Variants in INO80E observed in about 807,000 individuals in gnomAD.
INO80E encodes the protein coiled-coil domain containing 95.
Under a neutral mutation model 27.3 loss-of-function variants are expected in INO80E, and 20 were observed. The observed-to-expected ratio is 0.73, with a 90% confidence interval of 0.51 to 1.06. The LOEUF is 1.06. Ranked by LOEUF, INO80E falls within the 50% of genes least tolerant of loss-of-function variation. The pLI, the probability that INO80E is intolerant of heterozygous loss-of-function variation, is 0.00. For missense variants in INO80E, 357 were observed against 322.8 expected (o/e 1.11, Z -0.81); for synonymous variants, 167 against 145.9 (o/e 1.14, Z -1.04).
chr16:30,000,295 A>G (rs1352497557), intron 3 of INO80E, among the ~76,000 whole-genome samples: 5 of 152,156 alleles, frequency 3.3e-5, no homozygotes, highest in Non-Finnish European at 5.9e-5. Context: ...TCCCTGGGAC[A>G]GCTCGAGTGT....
In INO80E at chr16:30,005,360, C is replaced by T; in HGVS notation, c.653C>T (p.Pro218Leu). ...MPPPTILSTV[P>L]RQMFSDAGSG... ...CCCCCCACGATCCTGAGCACGGTCC[C>T]TCGGCAGATGTTCAGCGATGCAGGT... Residue 218 changes from proline (P) to leucine (L), a missense_variant, in exon 7 of 7, where the codon CCT becomes CTT. Transcript: ENST00000563197. 1 of 1,354,436 alleles carries T rather than the reference C, an allele frequency of 7.4e-7. No individual in the cohort carries two copies. 83.9% of individuals were successfully genotyped at this position (1,354,436 alleles called of 1,614,324 possible). A position where few individuals can be genotyped will look rare whatever the true frequency, so the allele number is the denominator to read the frequency against.
chr16:29,996,308 G>C lies in INO80E; in HGVS notation c.-3G>C. The C allele has an allele frequency of 6.3e-7, 1 of 1,592,150 alleles. No individual in the cohort carries two copies. On this transcript the variant is annotated 5_prime_UTR_variant, in exon 1 of 7. Coordinates refer to ENST00000563197, the MANE Select transcript of INO80E (RefSeq NM_173618.3). Reference sequence around the variant, plus strand: ...GACTCTGGGCGCCACTCCCGGGCCGGTCATGAACGGGCCGGCGGACGGCGA... The same window carrying C: ...GACTCTGGGCGCCACTCCCGGGCCGCTCATGAACGGGCCGGCGGACGGCGA...
At position 30,005,577 on chromosome 16, in the gene INO80E, G is replaced by A. The variant is rs962640287; in HGVS notation, c.*135G>A. ...CCGGCCACTGACACAACCAGAAAAG[G>A]CGTAAACATGCACGGGTGTCCCCCA... On this transcript the variant is annotated 3_prime_UTR_variant, in exon 7 of 7. Coordinates refer to ENST00000563197, the MANE Select transcript of INO80E (RefSeq NM_173618.3). 23 of 855,310 alleles carry A rather than the reference G, an allele frequency of 2.7e-5. 1 individual carries two copies. The South Asian group carries it at 3.4e-4, about 13-fold the overall frequency. 53.0% of individuals were successfully genotyped at this position (855,310 alleles called of 1,614,324 possible). A position where few individuals can be genotyped will look rare whatever the true frequency, so the allele number is the denominator to read the frequency against.
At position 29,996,352 on chromosome 16, in the gene INO80E, A is replaced by AG. The variant is rs34220380; in HGVS notation, c.42_43insG (p.Tyr15ValfsTer51). On this transcript the variant is annotated frameshift_variant, in exon 1 of 7. Coordinates refer to ENST00000563197, the MANE Select transcript of INO80E (RefSeq NM_173618.3). LOFTEE classifies it high-confidence loss of function. Reference sequence around the variant, plus strand: ...ACGGCGAAGTGGACTACAAAAAAAAATACCGGAATCTGAAGCGGAAGCTCA... The same window carrying AG: ...ACGGCGAAGTGGACTACAAAAAAAAAGTACCGGAATCTGAAGCGGAAGCTCA... The AG allele has an allele frequency of 1.2e-6, 2 of 1,600,672 alleles. No individual in the cohort carries two copies. Among genetic ancestry groups the AG allele is most frequent in the Non-Finnish European group, 1.7e-6 (2 of 1,173,654 alleles).
At chr16:29,996,650 G>A in intron 2 of INO80E, 33 bp downstream of exon 2, 1 of 1,581,660 alleles carries the variant, frequency 6.3e-7, no homozygotes, top group Non-Finnish European at 8.6e-7. Flanking sequence ...AGGGCGATGT[G>A]CTTCCTAGGA....
chr16:30,005,040 T>C (rs996583865), intron 6 of INO80E, among the ~76,000 whole-genome samples, 181 bp from the exon 7 acceptor site: 2 of 152,024 alleles, frequency 1.3e-5, no homozygotes, highest in African/African-American at 4.8e-5. Context: ...CCCCAGGCAC[T>C]TGCTGGTTTG....
chr16:29,998,470 CTATAT>C (rs1193503668), intron 3 of INO80E, among the ~76,000 whole-genome samples: 1 of 152,160 alleles, frequency 6.6e-6, no homozygotes, highest in African/African-American at 2.4e-5. Context: ...CTGCAGTTAA[CTATAT>C]TTTACATCAT....
intron 3 of INO80E, among the ~76,000 whole-genome samples, chr16:29,997,118 C>G (rs528460714): frequency 1.3e-5 from 2 of 152,154 alleles, no homozygotes; most frequent in Non-Finnish European, 2.9e-5. Flanking sequence ...AATTTATATT[C>G]TAGTTGGGAA....
chr16:30,000,689 A>G, intron 3 of INO80E, 69 bp from the exon 4 acceptor site: 8 of 1,289,220 alleles, frequency 6.2e-6, no homozygotes, highest in Non-Finnish European at 9.0e-6. Context: ...TGTAGTGTAG[A>G]GGAGGTTATA....
At chr16:30,005,055 T>G (rs955133361) in intron 6 of INO80E, among the ~76,000 whole-genome samples, 166 bp from the exon 7 acceptor site, 1 of 152,020 alleles carries the variant, frequency 6.6e-6, no homozygotes, top group Non-Finnish European at 1.5e-5. Flanking sequence ...GGTTTGAGGC[T>G]CTCGAGGGGC....
Position 29,996,619 on chromosome 16 carries a change from T to A in INO80E, c.152+2T>A. 2 of 1,580,704 alleles carry A rather than the reference T, an allele frequency of 1.3e-6. No homozygotes were observed. Reference sequence around the variant, plus strand: ...ACTGAAGGTGTCCCGGGACAAGAGGTGAGGCACGTTGCAGGGGCGGAGGGC... The same window carrying A: ...ACTGAAGGTGTCCCGGGACAAGAGGAGAGGCACGTTGCAGGGGCGGAGGGC... On this transcript the variant is annotated splice_donor_variant, in intron 2 of 6. Transcript: ENST00000563197. LOFTEE classifies it high-confidence loss of function.
In INO80E at chr16:30,001,409, C is replaced by T. The variant is rs772470686; in HGVS notation, c.397-5C>T. 21 of 1,585,610 alleles carry T rather than the reference C, an allele frequency of 1.3e-5. No homozygotes were observed. Among genetic ancestry groups the T allele is most frequent in the African/African-American group, 2.7e-5 (2 of 74,424 alleles). ...TCCCATCTCCATCCCCGCTCCCGCCCGCAGCTGGCCTCCTCCCGCTACCCC... is the reference window on the plus strand; with the variant it reads ...TCCCATCTCCATCCCCGCTCCCGCCTGCAGCTGGCCTCCTCCCGCTACCCC... On this transcript the variant is annotated splice_region_variant and splice_polypyrimidine_tract_variant and intron_variant, in intron 5 of 6. Transcript: ENST00000563197.
At chr16:29,998,623 T>C (rs1298485156) in intron 3 of INO80E, among the ~76,000 whole-genome samples, 1 of 152,208 alleles carries the variant, frequency 6.6e-6, no homozygotes, top group Non-Finnish European at 1.5e-5. Flanking sequence ...TAAATTGATT[T>C]CATGACCCAC....
chr16:30,000,645 G>A lies in INO80E; in HGVS notation c.206-113G>A, dbSNP rs567995295. 2.6e-5 allele frequency: 21 copies of A among 810,824 alleles called. No individual in the cohort carries two copies. The East Asian group carries it at 2.9e-4, about 11-fold the overall frequency. 50.2% of individuals were successfully genotyped at this position (810,824 alleles called of 1,614,324 possible). On this transcript the variant is annotated intron_variant, in intron 3 of 6. Coordinates refer to ENST00000563197, the MANE Select transcript of INO80E (RefSeq NM_173618.3). ...CTCTCACAGTGCTGGGATTCCAGGC[G>A]TGAGCCCCCGCACCTGGTCTTCCAG...
chr16:30,001,818 G>A (rs1303921178), intron 6 of INO80E: 1 of 420,968 alleles, frequency 2.4e-6, no homozygotes, highest in Non-Finnish European at 4.3e-6. Flanking sequence ...GGGGCGTGTT[G>A]TGTGATGCCA....
intron 2 of INO80E, 57 bp from the exon 3 acceptor site, chr16:29,996,751 C>A: frequency 1.2e-6 from 2 of 1,602,472 alleles, no homozygotes; most frequent in South Asian, 2.2e-5. Flanking sequence ...GACAGGTACC[C>A]AGGAGGACAT....
intron 3 of INO80E, among the ~76,000 whole-genome samples, chr16:30,000,004 G>A (rs2070287940): frequency 6.6e-6 from 1 of 152,160 alleles, no homozygotes. Context: ...GGCAGAGGCA[G>A]GAGTTGAAGA....
intron 5 of INO80E, 147 bp from the exon 6 acceptor site, chr16:30,001,267 G>GC: frequency 3.4e-6 from 5 of 1,489,698 alleles, no homozygotes; most frequent in Non-Finnish European, 4.5e-6. Context: ...TCCTGCTGCT[G>GC]CCCGGCCCTT....
rs2070410224 is a variant in INO80E, at chr16:30,003,146, T to G, written c.513+1616T>G. The G allele has an allele frequency of 6.6e-6, 1 of 151,960 alleles. No individual in the cohort carries two copies. Among genetic ancestry groups the G allele is most frequent in the South Asian group, 2.1e-4 (1 of 4,798 alleles). The allele number at this position is 151,960 out of a possible 1,614,324, so 9.4% of individuals were successfully genotyped here. On this transcript the variant is annotated intron_variant, in intron 6 of 6. Transcript: ENST00000563197. The surrounding 1 kb of genome is among the most constrained non-coding windows in gnomAD (Gnocchi z 4.4). ...AGCAGAGTCATGTCCGGGAGCAAAG[T>G]TGTAGACATTCTGGAGAGAAGGTTT...
Sources: allele counts gnomAD v4.1 joint callset (sites outside exome capture counted in the v4.1 genomes callset), GRCh38; gene constraint gnomAD v4.1.1; non-coding constraint Gnocchi (gnomAD v3.1); transcripts MANE v1.5; gene names NCBI Gene and HGNC (gene_info 2026-07-23, HGNC 2026-07-21).